Variants in TRPM6 observed in about 807,000 individuals in gnomAD.
TRPM6 encodes transient receptor potential cation channel subfamily M member 6.
TRPM6 carries 111 observed loss-of-function variants against 247.6 expected under a neutral mutation model. The observed-to-expected ratio is 0.45, with a 90% CI of 0.38 to 0.52. The LOEUF is 0.52. TRPM6 is among the 20% of genes least tolerant of loss of function. The pLI is 0.00. For missense variants in TRPM6, 2,126 were observed against 2,421.5 expected (o/e 0.88, Z 2.56); for synonymous variants, 892 against 853.8 (o/e 1.04, Z -0.78).
At chr9:74,780,723 T>C (rs1395380751) in intron 23 of TRPM6, among the ~76,000 whole-genome samples, 1 of 152,138 alleles carries the variant, frequency 6.6e-6, no homozygotes, top group Non-Finnish European at 1.5e-5. Context: ...ATCAGTTATC[T>C]ATTTGAAGGT....
chr9:74,763,652 T>A (rs1219737145), intron 25 of TRPM6, among the ~76,000 whole-genome samples: 1 of 152,096 alleles, frequency 6.6e-6, no homozygotes, highest in Non-Finnish European at 1.5e-5. Context: ...AAAAAATCTC[T>A]AACTCTACTG....
chr9:74,870,266 A>G (rs1830979937), intron 1 of TRPM6, among the ~76,000 whole-genome samples: 1 of 152,196 alleles, frequency 6.6e-6, no homozygotes, highest in African/African-American at 2.4e-5. Context: ...TGGGGAATAT[A>G]ATATTCCTGA....
Position 74,738,486 on chromosome 9 carries a change from G to C in TRPM6, c.5697C>G (p.Thr1899=), listed in dbSNP as rs200429850. The C allele has an allele frequency of 6.2e-7, 1 of 1,614,096 alleles. No homozygotes were observed. Among genetic ancestry groups the C allele is most frequent in the Admixed American group, 1.7e-5 (1 of 60,010 alleles). The change falls in exon 36 of 39, where the codon ACC becomes ACG. Residue 1899 remains threonine, a synonymous_variant. Transcript: ENST00000360774. ...NNGDEITPTN[T]LEELMLAFSH... is the part of the protein sequence containing the mutation. Reference sequence around the variant, plus strand: ...AGAAAGCCAACATCAGCTCCTCCAGGGTGTTGGTGGGGGTGATTTCATCAC... The same window carrying C: ...AGAAAGCCAACATCAGCTCCTCCAGCGTGTTGGTGGGGGTGATTTCATCAC...
At chr9:74,847,688 C>CATATATATATAGTCATATATAT in intron 3 of TRPM6, among the ~76,000 whole-genome samples, 1 of 151,274 alleles carries the variant, frequency 6.6e-6, no homozygotes, top group East Asian at 1.9e-4. Context: ...TAGTCAAAGT[C>CATATATATATAGTCATATATAT]ATATATATAT....
chr9:74,883,182 T>C (rs1192773293), intron 1 of TRPM6, among the ~76,000 whole-genome samples: 1 of 152,196 alleles, frequency 6.6e-6, no homozygotes, highest in East Asian at 1.9e-4. Flanking sequence ...TTGTAGCATG[T>C]GTCAGAATTT....
chr9:74,840,178 C>T lies in TRPM6; in HGVS notation c.390G>A (p.Glu130=), dbSNP rs140236011. 735 of 1,614,188 alleles carry T rather than the reference C, an allele frequency of 4.6e-4. No homozygotes were observed. In the African/African-American group the frequency reaches 9.1e-3, roughly 20 times the overall value. Residue 130 remains glutamate, a synonymous_variant, in exon 5 of 39, where the codon GAG becomes GAA. Coordinates refer to ENST00000360774, the MANE Select transcript of TRPM6 (RefSeq NM_017662.5). ...CAAGCTTGGGCAGTTCCATTTTCCA[C>T]TCTTTCAACATTAAATGTAACAGAT... The part of the protein sequence containing the change: ...LDHLLHLMLK[E]WKMELPKLVI...
At chr9:74,747,038 A>G (rs1826072931) in intron 31 of TRPM6, among the ~76,000 whole-genome samples, 1 of 152,214 alleles carries the variant, frequency 6.6e-6, no homozygotes, top group African/African-American at 2.4e-5. Flanking sequence ...AGAGGGTGCC[A>G]TGAAGGAAAA....
In TRPM6 at chr9:74,755,382, C is replaced by A. The variant is rs772654466; in HGVS notation, c.4877G>T (p.Trp1626Leu). ...GTGACTAAATTTGGACACTGTGAAC[C>A]AGTTCTTGCTGTACTCCTCTTCAGA... Reference protein sequence around the residue: ...SISEEEYSKNWFTVSKFSHTG... With the variant: ...SISEEEYSKNLFTVSKFSHTG... Residue 1626 changes from tryptophan to leucine, a missense_variant, in exon 28 of 39, where the codon TGG (tryptophan) becomes TTG (leucine). Coordinates refer to ENST00000360774, the MANE Select transcript of TRPM6 (RefSeq NM_017662.5). The A allele has an allele frequency of 2.0e-5, 33 of 1,613,994 alleles. No homozygotes were observed. In the South Asian group the frequency reaches 3.2e-4, roughly 16 times the overall value.
chr9:74,832,695 T>C (rs1171359533), intron 6 of TRPM6, among the ~76,000 whole-genome samples: 2 of 152,318 alleles, frequency 1.3e-5, no homozygotes, highest in South Asian at 2.1e-4. Context: ...GATAGGTACA[T>C]AGAAAAGAGT....
intron 1 of TRPM6, among the ~76,000 whole-genome samples, chr9:74,882,197 A>G (rs1026135742): frequency 2.6e-5 from 4 of 152,192 alleles, no homozygotes; most frequent in African/African-American, 9.6e-5. Flanking sequence ...AAAGTACACA[A>G]CTGATTCAGT....
intron 21 of TRPM6, among the ~76,000 whole-genome samples, chr9:74,783,432 G>A (rs766671908): frequency 4.6e-5 from 7 of 152,188 alleles, no homozygotes; most frequent in Non-Finnish European, 1.0e-4. Context: ...GCTGTGAAAC[G>A]TATTCAAGCC....
intron 20 of TRPM6, 94 bp downstream of exon 20, chr9:74,788,520 T>A: frequency 6.8e-7 from 1 of 1,468,118 alleles, no homozygotes; most frequent in Non-Finnish European, 9.5e-7. Context: ...CCTTGACATG[T>A]CCATTTTCAT....
intron 19 of TRPM6, among the ~76,000 whole-genome samples, chr9:74,792,220 A>T (rs1354200908): frequency 6.6e-6 from 1 of 152,226 alleles, no homozygotes; most frequent in Non-Finnish European, 1.5e-5. Flanking sequence ...AGGGACTCTG[A>T]TAGGAGTGCC....
chr9:74,793,535 A>C (rs1377858019), intron 18 of TRPM6, among the ~76,000 whole-genome samples: 1 of 152,084 alleles, frequency 6.6e-6, no homozygotes, highest in African/African-American at 2.4e-5. Context: ...TATGTTTTTA[A>C]ATTTTGGAAC....
chr9:74,794,869 C>G (rs919803260), intron 18 of TRPM6, among the ~76,000 whole-genome samples: 2 of 143,320 alleles, frequency 1.4e-5, no homozygotes, highest in African/African-American at 5.2e-5. Flanking sequence ...CCTCACCCCC[C>G]ACACCCCCTG....
chr9:74,881,492 G>T (rs961744465), intron 1 of TRPM6, among the ~76,000 whole-genome samples: 2 of 152,004 alleles, frequency 1.3e-5, no homozygotes, highest in Non-Finnish European at 2.9e-5. Flanking sequence ...ATACAGTAAC[G>T]GTTGGGGACT....
rs773099179 is a variant in TRPM6 at position 74,742,562 on chromosome 9, A to G, written c.5199T>C (p.Phe1733=). 11 of 1,613,726 alleles carry G rather than the reference A, an allele frequency of 6.8e-6. No homozygotes were observed. The highest frequency in any genetic ancestry group is 3.3e-5 in the Admixed American group (2 of 60,002). Residue 1733 remains phenylalanine, a splice_region_variant and synonymous_variant, in exon 33 of 39, where the codon TTT becomes TTC. Transcript: ENST00000360774. ...QTIPFTPVQL[F]AGEEITVYRL... is the part of the protein sequence containing the mutation. ...CAAGAAGGTAGAAATGCTACTCACC[A>G]AACAGTTGGACTGGTGTAAATGGTA... is the stretch of plus-strand genomic sequence containing the variant.
At chr9:74,732,602 A>G (rs1825558305) in intron 37 of TRPM6, 83 bp downstream of exon 37, 5 of 1,071,070 alleles carry the variant, frequency 4.7e-6, no homozygotes, top group Admixed American at 2.0e-5. Context: ...GGCAGGGAAC[A>G]TATATGTTTG....
Position 74,739,378 on chromosome 9 carries a change from G to A in TRPM6, c.5559C>T (p.Pro1853=), listed in dbSNP as rs1328712073. The change falls in exon 35 of 39, where the codon CCC becomes CCT. Residue 1853 remains proline (P), a synonymous_variant. Coordinates refer to ENST00000360774, the MANE Select transcript of TRPM6 (RefSeq NM_017662.5). ...TFNQVKPQTI[P]YTPRFLEVFL... ...CAAGATTTTCTTACCTTGGTGTGTA[G>A]GGTATGGTTTGTGGTTTCACTTGGT... The A allele has an allele frequency of 1.9e-6, 3 of 1,613,920 alleles. No individual in the cohort carries two copies. The highest frequency in any genetic ancestry group is 1.7e-5 in the Admixed American group (1 of 59,988).
Sources: gnomAD v4.1 joint callset for allele counts (sites outside exome capture counted in the v4.1 genomes callset) on GRCh38, gnomAD v4.1.1 for gene constraint, MANE v1.5 for transcripts, NCBI Gene and HGNC (gene_info 2026-07-23, HGNC 2026-07-21) for gene names.